Variants in ADRA1A observed in about 807,000 individuals in gnomAD.
ADRA1A encodes the protein alpha-1A adrenergic receptor.
Under a neutral mutation model 29.6 loss-of-function variants are expected in ADRA1A, and 31 were observed. That is an observed-to-expected ratio of 1.05 (90% confidence interval 0.79 to 1.41). ADRA1A has a LOEUF of 1.41. ADRA1A is among the 40% of genes most tolerant of loss of function. The pLI is 0.00. For missense variants in ADRA1A, 619 were observed against 601.1 expected (o/e 1.03, Z -0.31); for synonymous variants, 311 against 254.3 (o/e 1.22, Z -2.12).
intron 2 of ADRA1A, among the ~76,000 whole-genome samples, chr8:26,838,376 T>C (rs1490757711): frequency 6.6e-6 from 1 of 152,130 alleles, no homozygotes; most frequent in African/African-American, 2.4e-5. Context: ...GAGTAGAAAA[T>C]CCAGACCCTT....
At chr8:26,773,482 G>A (rs1806325228) in intron 2 of ADRA1A, among the ~76,000 whole-genome samples, 1 of 152,146 alleles carries the variant, frequency 6.6e-6, no homozygotes, top group African/African-American at 2.4e-5. Context: ...ACAAAGACCT[G>A]CCTGGGCCTG....
At chr8:26,764,553 G>T (rs59966056), downstream of ADRA1A, among the ~76,000 whole-genome samples, 82,962 of 152,076 alleles carry the variant, frequency 0.55, 24,575 homozygotes, top group East Asian at 0.89. Flanking sequence ...TGGGAAACAT[G>T]GAGGTGTCAT....
chr8:26,777,310 G>A (rs532177708), intron 2 of ADRA1A, among the ~76,000 whole-genome samples: 2 of 152,304 alleles, frequency 1.3e-5, no homozygotes, highest in South Asian at 2.1e-4. Flanking sequence ...TCCCATGACT[G>A]ACATGAAATG....
rs1316703036 is a variant in ADRA1A at position 26,866,909 on chromosome 8, G to T, written c.-687+27C>A. 3 of 985,298 alleles carry T rather than the reference G, an allele frequency of 3.0e-6. No homozygotes were observed. The African/African-American group carries it at 5.2e-5, about 17-fold the overall frequency. 61.0% of individuals were successfully genotyped at this position (985,298 alleles called of 1,614,324 possible). On this transcript the variant is annotated intron_variant, in intron 1 of 2. Coordinates refer to ENST00000380573, the MANE Select transcript of ADRA1A (RefSeq NM_000680.4). The surrounding 1 kb of genome is among the most constrained non-coding windows in gnomAD (Gnocchi z 5.7). ...GGTCTGCCCTCACCCACTCGGCCCT[G>T]CGGGACGCCGGCCCCGGCGCACTCA...
At position 26,865,448 on chromosome 8, in the gene ADRA1A, C is replaced by T. The variant is rs1453737328; in HGVS notation, c.-479G>A. The T allele has an allele frequency of 5.0e-5, 50 of 1,002,124 alleles. No homozygotes were observed. Among genetic ancestry groups the T allele is most frequent in the Non-Finnish European group, 5.8e-5 (49 of 839,926 alleles). The allele number at this position is 1,002,124 out of a possible 1,614,324, so 62.1% of individuals were successfully genotyped here. Reference sequence around the variant, plus strand: ...CTCTCCCTCAAACCAAAAGATCAGCCGTCGACGCTCAAAGGCAGGGACCGA... The same window carrying T: ...CTCTCCCTCAAACCAAAAGATCAGCTGTCGACGCTCAAAGGCAGGGACCGA... On this transcript the variant is annotated 5_prime_UTR_variant, in exon 2 of 3. Coordinates refer to ENST00000380573, the MANE Select transcript of ADRA1A (RefSeq NM_000680.4). The surrounding 1 kb of genome is among the most constrained non-coding windows in gnomAD (Gnocchi z 7.6).
chr8:26,788,646 A>G (rs1807583860), intron 2 of ADRA1A, among the ~76,000 whole-genome samples: 1 of 152,164 alleles, frequency 6.6e-6, no homozygotes, highest in Non-Finnish European at 1.5e-5. Flanking sequence ...GGCATTGTTT[A>G]TCCCCATTTT....
At position 26,805,831 on chromosome 8, in the gene ADRA1A, C is replaced by T. The variant is rs899402774; in HGVS notation, c.884-35165G>A. ...ATTTATTTTTAACCATTTTCCCCCC[C>T]ACATAGATTTGGCATTATTAACAGA... is the stretch of plus-strand genomic sequence containing the variant. On this transcript the variant is annotated intron_variant, in intron 2 of 2. Transcript: ENST00000380573. This position sits in a 1 kb window ranked among gnomAD's most constrained non-coding sequence, Gnocchi z 4.8. Among the ~76,000 whole-genome samples, 15 of 152,128 alleles carry T rather than the reference C, an allele frequency of 9.9e-5. No individual in the cohort carries two copies. The highest frequency in any genetic ancestry group is 2.6e-4 in the Admixed American group (4 of 15,280).
chr8:26,826,077 G>A (rs534652831), intron 2 of ADRA1A, among the ~76,000 whole-genome samples: 33 of 152,254 alleles, frequency 2.2e-4, no homozygotes, highest in Non-Finnish European at 4.0e-4. Context: ...TTCCAGCTGA[G>A]CTAGTACTTC....
intron 2 of ADRA1A, among the ~76,000 whole-genome samples, chr8:26,852,339 T>C (rs982659163): frequency 2.6e-5 from 4 of 152,014 alleles, no homozygotes; most frequent in African/African-American, 4.8e-5. Flanking sequence ...TAAGCTAATA[T>C]TGAAAAGCAA....
intron 2 of ADRA1A, among the ~76,000 whole-genome samples, chr8:26,832,589 A>G (rs546097954): frequency 4.5e-4 from 68 of 152,302 alleles, no homozygotes; most frequent in African/African-American, 1.5e-3. Context: ...AGAGATGAAG[A>G]GGGGTTAGTC....
chr8:26,841,187 A>G lies in ADRA1A; in HGVS notation c.883+22900T>C, dbSNP rs1328749911. ...TTCAATGAAATAAAGCACATAAAGCATAAACTGAAATCCAAATGGAAAGCA... is the reference window on the plus strand; with the variant it reads ...TTCAATGAAATAAAGCACATAAAGCGTAAACTGAAATCCAAATGGAAAGCA... On this transcript the variant is annotated intron_variant, in intron 2 of 2. Transcript: ENST00000380573. The surrounding 1 kb of genome is among the most constrained non-coding windows in gnomAD (Gnocchi z 4.4). 6.6e-6 allele frequency among the ~76,000 whole-genome samples: 1 copy of G among 152,242 alleles called. No homozygotes were observed. The highest frequency in any genetic ancestry group is 2.4e-5 in the African/African-American group (1 of 41,464).
intron 2 of ADRA1A, among the ~76,000 whole-genome samples, chr8:26,842,505 G>A (rs1193195753): frequency 2.0e-5 from 3 of 151,994 alleles, no homozygotes; most frequent in African/African-American, 7.3e-5. Context: ...CCATTGACCT[G>A]CCTTGAAATA....
intron 2 of ADRA1A, among the ~76,000 whole-genome samples, chr8:26,819,158 G>C (rs1274086849): frequency 1.3e-5 from 2 of 152,260 alleles, no homozygotes; most frequent in Non-Finnish European, 2.9e-5. Context: ...CTGGCCAGGA[G>C]GGGAGTGATA....
Position 26,815,336 on chromosome 8 carries a change from A to G in ADRA1A, c.884-44670T>C, listed in dbSNP as rs1395535390. ...AGTTGATAAGCTTTCTTTTACATGC[A>G]TGGTTAGGTTTGCAAGATAGTAAAA... On this transcript the variant is annotated intron_variant, in intron 2 of 2. Coordinates refer to ENST00000380573, the MANE Select transcript of ADRA1A (RefSeq NM_000680.4). This position sits in a 1 kb window ranked among gnomAD's most constrained non-coding sequence, Gnocchi z 4.2. 6.6e-6 allele frequency among the ~76,000 whole-genome samples: 1 copy of G among 152,266 alleles called. No homozygotes were observed. The highest frequency in any genetic ancestry group is 1.5e-5 in the Non-Finnish European group (1 of 68,038).
chr8:26,826,707 TAGCCTCCCCAGACAG>T (rs1221250946), intron 2 of ADRA1A, among the ~76,000 whole-genome samples: 9 of 152,158 alleles, frequency 5.9e-5, no homozygotes. Flanking sequence ...ATGTTCCTGT[TAGCCTCCCCAGACAG>T]ACAGCAAGAT....
rs774350712 is a variant in ADRA1A at position 26,770,558 on chromosome 8, T to A, written c.992A>T (p.Gln331Leu). ...ATTCTGAAAGGCCTTTTTGAACTCT[T>A]GGCTGGAGCATGGGTATATGATGGG... The part of the protein sequence containing the change: ...INPIIYPCSS[Q>L]EFKKAFQNVL... The change falls in exon 3 of 3, where the codon CAA (glutamine) becomes CTA (leucine). Residue 331 changes from glutamine (Q) to leucine (L), a missense_variant. Physicochemically the swap from Gln to Leu is moderately radical, Grantham distance 113 (BLOSUM62 -2). Coordinates refer to ENST00000380573, the MANE Select transcript of ADRA1A (RefSeq NM_000680.4). 3 of 1,614,096 alleles carry A rather than the reference T, an allele frequency of 1.9e-6. No individual in the cohort carries two copies. The highest frequency in any genetic ancestry group is 1.7e-5 in the Admixed American group (1 of 60,004).
rs145622012 is a variant in ADRA1A at position 26,759,733 on chromosome 8, A to G, written c.1270-2954T>C. Among the ~76,000 whole-genome samples, 717 of 152,364 alleles carry G rather than the reference A, an allele frequency of 4.7e-3. 8 individuals carry two copies. Among genetic ancestry groups the G allele is most frequent in the African/African-American group, 0.016 (679 of 41,584 alleles). ...CCGAACTCTTTTCCTTAAGAAAGAT[A>G]AGGCTGCATTTAGCAACAGGGATGA... On this transcript the variant is annotated intron_variant, in intron 2 of 2. Coordinates refer to the ADRA1A transcript ENST00000380582.
At chr8:26,856,634 A>G (rs73564044) in intron 2 of ADRA1A, among the ~76,000 whole-genome samples, 6,132 of 151,862 alleles carry the variant, frequency 0.04, 405 homozygotes, top group African/African-American at 0.14. Flanking sequence ...TTAAACACCT[A>G]CTCATTCAAT....
intron 2 of ADRA1A, among the ~76,000 whole-genome samples, chr8:26,844,140 A>G (rs978459240): frequency 1.3e-5 from 2 of 152,162 alleles, no homozygotes; most frequent in Non-Finnish European, 2.9e-5. Context: ...GTATACTACT[A>G]CCAGTGGGAT....
Sources: gnomAD v4.1 joint callset for allele counts (sites outside exome capture counted in the v4.1 genomes callset) on GRCh38, gnomAD v4.1.1 for gene constraint, Gnocchi (gnomAD v3.1) non-coding constraint, MANE v1.5 for transcripts, NCBI Gene and HGNC (gene_info 2026-07-23, HGNC 2026-07-21) for gene names.